GRID1: variants seen among roughly 807,000 people sequenced by gnomAD.
The protein encoded by GRID1 is glutamate ionotropic receptor delta type subunit 1, also known as glutamate receptor ionotropic, delta-1.
GRID1 carries 28 observed loss-of-function variants against 98.0 expected under a neutral mutation model. That is an observed-to-expected ratio of 0.29 (90% CI 0.21 to 0.39). The LOEUF is 0.39. Ranked by LOEUF, GRID1 falls within the 10% of genes least tolerant of loss-of-function variation. GRID1 has a pLI of 1.00. For synonymous variants in GRID1, 553 were observed against 538.5 expected, an observed-to-expected ratio of 1.03 and a Z score of -0.37; for missense variants, 1,111 against 1,340.5, an observed-to-expected ratio of 0.83 and a Z score of 2.67.
At chr10:86,040,611 T>C (rs1278993264) in intron 4 of GRID1, among the ~76,000 whole-genome samples, 1 of 149,160 alleles carries the variant, frequency 6.7e-6, no homozygotes, top group African/African-American at 2.5e-5. Flanking sequence ...TGGGGAGAGG[T>C]TGGCCAATGA....
At chr10:85,884,061 T>C (rs1342034307) in intron 5 of GRID1, among the ~76,000 whole-genome samples, 1 of 152,198 alleles carries the variant, frequency 6.6e-6, no homozygotes, top group East Asian at 1.9e-4. Flanking sequence ...GTTGGGCAAA[T>C]ACATGCAAGG....
At chr10:85,690,392 A>T (rs1400672211) in intron 12 of GRID1, among the ~76,000 whole-genome samples, 1 of 152,224 alleles carries the variant, frequency 6.6e-6, no homozygotes, top group African/African-American at 2.4e-5. Context: ...CTAAGCAATA[A>T]TCTGCCAAGT....
chr10:85,624,424 C>T (rs1842888594), intron 13 of GRID1, among the ~76,000 whole-genome samples: 1 of 152,148 alleles, frequency 6.6e-6, no homozygotes, highest in Admixed American at 6.5e-5. Context: ...AAGCTTACTC[C>T]AAGCCTTGAG....
chr10:85,976,644 A>G (rs1441296326), intron 4 of GRID1, among the ~76,000 whole-genome samples: 1 of 152,192 alleles, frequency 6.6e-6, no homozygotes, highest in Non-Finnish European at 1.5e-5. Flanking sequence ...GGTCCCTCAC[A>G]TTCCAGGATG....
At chr10:86,203,828 G>A (rs75732286) in intron 3 of GRID1, among the ~76,000 whole-genome samples, 4,811 of 152,036 alleles carry the variant, frequency 0.032, 123 homozygotes, top group African/African-American at 0.058. Flanking sequence ...TCCCTCTCTT[G>A]CACCATGGAA....
In GRID1 at chr10:85,724,641, G is replaced by A; in HGVS notation, c.1569C>T (p.Thr523=). Residue 523 remains threonine, a synonymous_variant, in exon 11 of 16, where the codon ACC becomes ACT. Coordinates refer to ENST00000327946, the MANE Select transcript of GRID1 (RefSeq NM_017551.3). ...AGTCCACAACGCTCTCCCTCTCTGG[G>A]GTGATGGTGATGGCAGAGATGGCCA... is the stretch of plus-strand genomic sequence containing the variant. ...ADLAISAITI[T]PERESVVDFS... 2 of 1,612,050 alleles carry A rather than the reference G, an allele frequency of 1.2e-6. No individual in the cohort carries two copies. The highest frequency in any genetic ancestry group is 1.7e-6 in the Non-Finnish European group (2 of 1,179,156).
chr10:85,640,988 C>T (rs773190993), intron 13 of GRID1, among the ~76,000 whole-genome samples: 1 of 152,222 alleles, frequency 6.6e-6, no homozygotes, highest in Non-Finnish European at 1.5e-5. Context: ...TCTCCAGCCA[C>T]AGGGTCTGAA....
chr10:86,242,940 C>T (rs1283529355), intron 2 of GRID1, among the ~76,000 whole-genome samples: 2 of 152,140 alleles, frequency 1.3e-5, no homozygotes, highest in Non-Finnish European at 2.9e-5. Context: ...CCCAGCCCCA[C>T]CTGCCTCACC....
At chr10:85,827,387 G>A (rs550533153) in intron 8 of GRID1, among the ~76,000 whole-genome samples, 6 of 147,554 alleles carry the variant, frequency 4.1e-5, no homozygotes, top group African/African-American at 7.5e-5. Context: ...CTCAGAGCTC[G>A]AAAAAAAAAC....
intron 4 of GRID1, among the ~76,000 whole-genome samples, chr10:86,018,175 G>T (rs113533313): frequency 0.01 from 1,548 of 152,338 alleles, 28 homozygotes; most frequent in African/African-American, 0.035. Flanking sequence ...GGGTGATCCG[G>T]CCCTGGGCCA....
Position 85,632,569 on chromosome 10 carries a change from A to C in GRID1, c.2194-12536T>G, listed in dbSNP as rs189305705. 2.2e-3 allele frequency among the ~76,000 whole-genome samples: 328 copies of C among 151,882 alleles called. 1 individual carries two copies. The highest frequency in any genetic ancestry group is 3.7e-3 in the Non-Finnish European group (254 of 67,978). ...CTACACTGTTAACATATACTTTTTA[A>C]GGTTTTTTTGTTGTTTTGAGATGGA... On this transcript the variant is annotated intron_variant, in intron 13 of 15. Transcript: ENST00000327946.
At chr10:86,087,817 C>T (rs1409321018) in intron 4 of GRID1, among the ~76,000 whole-genome samples, 1 of 152,132 alleles carries the variant, frequency 6.6e-6, no homozygotes, top group Admixed American at 6.5e-5. Context: ...ACTGAGACCC[C>T]ACCGTGCAAA....
intron 8 of GRID1, among the ~76,000 whole-genome samples, chr10:85,740,513 ACT>A (rs1226515392): frequency 6.6e-6 from 1 of 151,584 alleles, no homozygotes; most frequent in Non-Finnish European, 1.5e-5. Context: ...CTCCCATTAC[ACT>A]CTCTCAAACT....
intron 12 of GRID1, among the ~76,000 whole-genome samples, chr10:85,686,376 C>T (rs1841268984): frequency 6.6e-6 from 1 of 152,140 alleles, no homozygotes; most frequent in East Asian, 1.9e-4. Flanking sequence ...GTGTTGTTCA[C>T]AAGACATGTA....
chr10:86,164,377 C>T (rs1205895651), intron 3 of GRID1, among the ~76,000 whole-genome samples: 2 of 152,004 alleles, frequency 1.3e-5, no homozygotes, highest in South Asian at 2.1e-4. Flanking sequence ...AGAACAAAAG[C>T]GCTCAGTGCT....
chr10:85,967,000 A>T (rs1842345677), intron 4 of GRID1, among the ~76,000 whole-genome samples: 1 of 152,172 alleles, frequency 6.6e-6, no homozygotes, highest in African/African-American at 2.4e-5. Flanking sequence ...TACTGGGAGC[A>T]GTTTTCCCCA....
intron 6 of GRID1, among the ~76,000 whole-genome samples, chr10:85,862,423 T>C (rs543457628): frequency 1.3e-4 from 20 of 152,188 alleles, no homozygotes; most frequent in Admixed American, 4.6e-4. Flanking sequence ...GGGAAAGAGA[T>C]GGGAGCTCTG....
At chr10:85,748,520 C>T (rs1372046888) in intron 8 of GRID1, among the ~76,000 whole-genome samples, 1 of 152,086 alleles carries the variant, frequency 6.6e-6, no homozygotes, top group African/African-American at 2.4e-5. Flanking sequence ...TTATCTTTGG[C>T]AGAATGAATT....
intron 12 of GRID1, among the ~76,000 whole-genome samples, chr10:85,686,195 C>T (rs1473999870): frequency 6.6e-6 from 1 of 152,086 alleles, no homozygotes; most frequent in Non-Finnish European, 1.5e-5. Flanking sequence ...GAAAAGAATG[C>T]CCAGAAGGAG....
Sources: gnomAD v4.1 joint callset for allele counts (sites outside exome capture counted in the v4.1 genomes callset) on GRCh38, gnomAD v4.1.1 for gene constraint, MANE v1.5 for transcripts, NCBI Gene and HGNC (gene_info 2026-07-23, HGNC 2026-07-21) for gene names.